EXT2: variants seen among roughly 807,000 people sequenced by gnomAD.
EXT2 encodes exostosin-2.
EXT2 carries 53 observed loss-of-function variants against 81.6 expected under a neutral mutation model. The observed-to-expected ratio is 0.65, with a 90% CI of 0.52 to 0.82. The LOEUF is 0.82. Ranked by LOEUF, EXT2 falls within the 40% of genes least tolerant of loss-of-function variation. The pLI is 0.00. For missense variants in EXT2, 774 were observed against 910.2 expected, an observed-to-expected ratio of 0.85 and a Z score of 1.93; for synonymous variants, 320 against 340.0, an observed-to-expected ratio of 0.94 and a Z score of 0.65.
In EXT2 at chr11:44,197,838, A is replaced by G. The variant is rs760086935; in HGVS notation, c.1315A>G (p.Ser439Gly). Residue 439 changes from serine to glycine, a missense_variant, in exon 9 of 14, where the codon AGC becomes GGC. This residue lies in a region of EXT2 where 626 missense variants were observed against 670.5 expected (regional missense o/e 0.93). Transcript: ENST00000533608. ...ATCTGTCCTCTTGTAGAAGTGGGGC[A>G]GCGTGAGCAATCCACTCTTCCTCCC... The part of the protein sequence containing the change: ...WNDPPAVKWG[S>G]VSNPLFLPLI... 3.1e-6 allele frequency: 5 copies of G among 1,614,024 alleles called. No homozygotes were observed. The Admixed American group carries it at 8.3e-5, about 27-fold the overall frequency.
At chr11:44,224,217 T>C (rs990956357) in intron 10 of EXT2, among the ~76,000 whole-genome samples, 1 of 152,302 alleles carries the variant, frequency 6.6e-6, no homozygotes, top group East Asian at 1.9e-4. Context: ...AATGAATTAA[T>C]AAAATAAGAA....
intron 10 of EXT2, among the ~76,000 whole-genome samples, chr11:44,218,247 C>T (rs1031659064): frequency 2.0e-5 from 3 of 152,132 alleles, no homozygotes; most frequent in Admixed American, 6.5e-5. Context: ...GAACATAAAA[C>T]CATCTTTGAG....
chr11:44,194,940 A>C (rs1955437755), intron 8 of EXT2, among the ~76,000 whole-genome samples: 1 of 152,182 alleles, frequency 6.6e-6, no homozygotes, highest in Non-Finnish European at 1.5e-5. Context: ...TATGACTTAA[A>C]TATAGGGCTA....
At chr11:44,107,518 A>G (rs1954071403) in intron 1 of EXT2, among the ~76,000 whole-genome samples, 165 bp from the exon 2 acceptor site, 1 of 152,144 alleles carries the variant, frequency 6.6e-6, no homozygotes, top group Non-Finnish European at 1.5e-5. Context: ...GGGGAGGTGA[A>G]GGTTGCAGTG....
At chr11:44,128,504 C>T (rs1227616528) in intron 6 of EXT2, among the ~76,000 whole-genome samples, 1 of 152,164 alleles carries the variant, frequency 6.6e-6, no homozygotes, top group African/African-American at 2.4e-5. Flanking sequence ...CAGGGACACT[C>T]ATAGTGTAGT....
chr11:44,206,895 C>T lies in EXT2; in HGVS notation c.1598C>T (p.Ala533Val). 6.2e-7 allele frequency: 1 copy of T among 1,614,092 alleles called. No individual in the cohort carries two copies. Among genetic ancestry groups the T allele is most frequent in the Non-Finnish European group, 8.5e-7 (1 of 1,180,026 alleles). The change falls in exon 10 of 14, where the codon GCT becomes GTT. Residue 533 changes from alanine (A) to valine (V), a missense_variant. By Grantham distance (64) the Ala-to-Val change is moderately conservative (BLOSUM62 0). Transcript: ENST00000533608. The stretch of plus-strand genomic sequence containing the variant: ...CCTTATGATGAAATCGAGACAGAAG[C>T]TGTTCTGGCCATTGATGATGATATC... ...FFPYDEIETE[A>V]VLAIDDDIIM...
rs117242859 is a variant in EXT2 at position 44,229,070 on chromosome 11, G to A, written c.1663-3283G>A. 4.9e-3 allele frequency among the ~76,000 whole-genome samples: 752 copies of A among 152,212 alleles called. 7 individuals carry two copies. Among genetic ancestry groups the A allele is most frequent in the East Asian group, 0.043 (221 of 5,166 alleles). On this transcript the variant is annotated intron_variant, in intron 10 of 13. Transcript: ENST00000533608. ...TTCACTTTGGCATCCCTGGTGTTTA[G>A]TTATGTGTGCTTGGGGCCCTTCGGA...
intron 10 of EXT2, among the ~76,000 whole-genome samples, chr11:44,225,601 C>G (rs1955830172): frequency 6.6e-6 from 1 of 152,196 alleles, no homozygotes; most frequent in Non-Finnish European, 1.5e-5. Context: ...CCCTGAATGT[C>G]GTTTTTGACA....
chr11:44,148,466 T>C (rs1954750181), intron 7 of EXT2, among the ~76,000 whole-genome samples: 1 of 152,196 alleles, frequency 6.6e-6, no homozygotes, highest in Non-Finnish European at 1.5e-5. Flanking sequence ...TAGGAATCTG[T>C]GCAGCACCAT....
At chr11:44,098,697 A>G (rs1380124377) in intron 1 of EXT2, among the ~76,000 whole-genome samples, 15 of 150,134 alleles carry the variant, frequency 1.0e-4, no homozygotes, top group Non-Finnish European at 5.9e-5. Flanking sequence ...TCTGTCTCAA[A>G]AAAAAAAAAA....
intron 10 of EXT2, among the ~76,000 whole-genome samples, chr11:44,225,343 A>G (rs2135245499): frequency 6.6e-6 from 1 of 152,300 alleles, no homozygotes; most frequent in Non-Finnish European, 1.5e-5. Context: ...GAGTCTCACT[A>G]GTTTGCTGCA....
At chr11:44,170,824 A>T (rs981722903) in intron 7 of EXT2, among the ~76,000 whole-genome samples, 1 of 143,520 alleles carries the variant, frequency 7.0e-6, no homozygotes, top group East Asian at 2.0e-4. Flanking sequence ...ACACACACAC[A>T]CACACACACA....
chr11:44,155,952 T>C (rs769518253), intron 7 of EXT2, among the ~76,000 whole-genome samples: 1 of 152,190 alleles, frequency 6.6e-6, no homozygotes, highest in Non-Finnish European at 1.5e-5. Context: ...AGCCTTTGTT[T>C]GTCCGGGAAA....
Position 44,107,812 on chromosome 11 carries a change from C to G in EXT2, c.100C>G (p.Leu34Val). 6.2e-7 allele frequency: 1 copy of G among 1,614,128 alleles called. No individual in the cohort carries two copies. The highest frequency in any genetic ancestry group is 8.5e-7 in the Non-Finnish European group (1 of 1,180,046). ...CTATATCACCCTCTTCTCCATTGTC[C>G]TCCTGGGCCTCATTGCCACTGGCAT... ...IYYITLFSIV[L>V]LGLIATGMFQ... The change falls in exon 2 of 14, where the codon CTC (leucine) becomes GTC (valine). Residue 34 changes from leucine to valine, a missense_variant. Coordinates refer to ENST00000533608, the MANE Select transcript of EXT2 (RefSeq NM_207122.2).
chr11:44,223,927 A>G (rs928064651), intron 10 of EXT2, among the ~76,000 whole-genome samples: 4 of 152,184 alleles, frequency 2.6e-5, no homozygotes, highest in Non-Finnish European at 5.9e-5. Context: ...CTAGGATTAC[A>G]TGAGTGAGCC....
chr11:44,212,227 G>A (rs183640661), intron 10 of EXT2, among the ~76,000 whole-genome samples: 42 of 151,974 alleles, frequency 2.8e-4, no homozygotes, highest in Admixed American at 9.8e-4. Context: ...AGAGGTTGCC[G>A]TGAGCCAAGA....
Position 44,109,408 on chromosome 11 carries a change from A to G in EXT2, c.626+125A>G, listed in dbSNP as rs1045581051. On this transcript the variant is annotated intron_variant, in intron 3 of 13. Coordinates refer to ENST00000533608, the MANE Select transcript of EXT2 (RefSeq NM_207122.2). Reference sequence around the variant, plus strand: ...TTGTTTATTAAACTAGAAAATTGTCATAAGTATTTTCCTCCTGAAGATTTA... The same window carrying G: ...TTGTTTATTAAACTAGAAAATTGTCGTAAGTATTTTCCTCCTGAAGATTTA... 102 of 925,362 alleles carry G rather than the reference A, an allele frequency of 1.1e-4. 1 individual carries two copies. The Middle Eastern group carries it at 2.0e-3, about 18-fold the overall frequency. The allele number at this position is 925,362 out of a possible 1,614,324, so 57.3% of individuals were successfully genotyped here.
At chr11:44,196,241 C>T (rs934802072) in intron 8 of EXT2, among the ~76,000 whole-genome samples, 1 of 152,164 alleles carries the variant, frequency 6.6e-6, no homozygotes, top group Non-Finnish European at 1.5e-5. Flanking sequence ...ACATTGTGAA[C>T]ATTTTCTCTT....
intron 5 of EXT2, among the ~76,000 whole-genome samples, chr11:44,125,839 C>A (rs1473958855): frequency 1.3e-5 from 2 of 152,140 alleles, no homozygotes; most frequent in Non-Finnish European, 2.9e-5. Flanking sequence ...AAATGGTTAT[C>A]AGCACGTGTG....
Sources: gnomAD v4.1 joint callset for allele counts (sites outside exome capture counted in the v4.1 genomes callset) on GRCh38, gnomAD v4.1.1 for gene constraint, gnomAD v4.1.1 regional missense constraint, MANE v1.5 for transcripts, NCBI Gene and HGNC (gene_info 2026-07-23, HGNC 2026-07-21) for gene names.